The following NRAP variants were observed in gnomAD, a reference collection of about 807,000 sequenced individuals.
NRAP encodes the protein nebulin related anchoring protein, also known as nebulin-related-anchoring protein.
A neutral mutation model predicts 225.9 loss-of-function variants in NRAP; 189 were observed. The ratio of observed to expected loss-of-function variants is 0.84; its 90% CI spans 0.74 to 0.94. The LOEUF (loss-of-function observed/expected upper bound fraction) is 0.94. Ranked by LOEUF, NRAP falls within the 40% of genes least tolerant of loss-of-function variation. NRAP has a pLI of 0.00. For missense variants in NRAP, 2,176 were observed against 2,168.7 expected, an observed-to-expected ratio of 1.00 and a Z score of -0.07; for synonymous variants, 769 against 790.7, an observed-to-expected ratio of 0.97 and a Z score of 0.46.
At position 113,606,331 on chromosome 10, in the gene NRAP, C is replaced by T. The variant is rs147581038; in HGVS notation, c.3703-49G>A. 2.2e-5 allele frequency: 27 copies of T among 1,221,448 alleles called. No homozygotes were observed. In the East Asian group the frequency reaches 6.4e-4, roughly 29 times the overall value. 75.7% of individuals were successfully genotyped at this position (1,221,448 alleles called of 1,614,324 possible). On this transcript the variant is annotated intron_variant, in intron 32 of 41. Coordinates refer to ENST00000359988, the MANE Select transcript of NRAP (RefSeq NM_198060.4). The stretch of plus-strand genomic sequence containing the variant: ...AATAATGCAAGAGATAAGTGCTGTG[C>T]ATTTCTGCAGTGCTGGAAGTCCCTC...
Position 113,621,956 on chromosome 10 carries a change from G to A in NRAP, c.2682C>T (p.Gly894=). 6.2e-7 allele frequency: 1 copy of A among 1,614,210 alleles called. No homozygotes were observed. ...RKAQHLATDV[G]YKTAEHHFTA... The stretch of plus-strand genomic sequence containing the variant: ...TAAAGTGATGTTCCGCTGTCTTGTA[G>A]CCTACGTCTGTGGCTAAATGCTGAG... Residue 894 remains glycine, a synonymous_variant, in exon 24 of 42, where the codon GGC becomes GGT. Coordinates refer to ENST00000359988, the MANE Select transcript of NRAP (RefSeq NM_198060.4).
At position 113,631,911 on chromosome 10, in the gene NRAP, C is replaced by A; in HGVS notation, c.1686G>T (p.Lys562Asn). ...CGGCCAGCAGAGACATGGCATCCAG[C>A]TTCATCTCAAATCCTTTCCCCTTTG... ...EKTKGKGFEMKLDAMSLLAAK... is the reference protein window; with the variant it reads ...EKTKGKGFEMNLDAMSLLAAK... Residue 562 changes from lysine (K) to asparagine (N), a missense_variant, in exon 17 of 42, where the codon AAG becomes AAT. Lys to Asn is a moderately conservative substitution (Grantham distance 94). Transcript: ENST00000359988. The A allele has an allele frequency of 6.2e-7, 1 of 1,613,766 alleles. No homozygotes were observed. Among genetic ancestry groups the A allele is most frequent in the South Asian group, 1.1e-5 (1 of 91,086 alleles).
rs2134124157 is a variant in NRAP at position 113,645,884 on chromosome 10, G to T, written c.1051C>A (p.Pro351Thr). 6.2e-7 allele frequency: 1 copy of T among 1,611,262 alleles called. No homozygotes were observed. The highest frequency in any genetic ancestry group is 8.5e-7 in the Non-Finnish European group (1 of 1,178,456). The change falls in exon 11 of 42, where the codon CCA (proline) becomes ACA (threonine). Residue 351 changes from proline to threonine, a missense_variant. By Grantham distance (38) the Pro-to-Thr change is conservative (BLOSUM62 -1). Transcript: ENST00000359988. ...TTGAGAACCAAGTTGTCTTGAGCTG[G>T]AAGCGAGTGATAATGTGCAGCGCCT... ...MKGAAHYHSLPAQDNLVLKQA... is the reference protein window; with the variant it reads ...MKGAAHYHSLTAQDNLVLKQA...
At chr10:113,589,954 A>ATCTC (rs759370424) in intron 40 of NRAP, among the ~76,000 whole-genome samples, 157 bp from the exon 41 acceptor site, 5 of 152,230 alleles carry the variant, frequency 3.3e-5, no homozygotes, top group Non-Finnish European at 5.9e-5. Flanking sequence ...CATAAGCAGC[A>ATCTC]TCTCCCTGGC....
intron 20 of NRAP, 90 bp from the exon 21 acceptor site, chr10:113,626,235 T>C: frequency 1.3e-6 from 1 of 798,486 alleles, no homozygotes; most frequent in Non-Finnish European, 2.0e-6. Flanking sequence ...ACACATTCTT[T>C]CTGTGGTCCA....
At chr10:113,595,005 G>A (rs925949091) in intron 38 of NRAP, among the ~76,000 whole-genome samples, 7 of 152,312 alleles carry the variant, frequency 4.6e-5, no homozygotes, top group African/African-American at 9.6e-5. Flanking sequence ...TTTGCTGGCC[G>A]AGCGGCCGCC....
chr10:113,661,658 T>C (rs1346592740), intron 3 of NRAP, among the ~76,000 whole-genome samples: 1 of 152,334 alleles, frequency 6.6e-6, no homozygotes, highest in East Asian at 1.9e-4. Context: ...CGTCGATAAC[T>C]GGTTATTTGA....
intron 9 of NRAP, among the ~76,000 whole-genome samples, chr10:113,648,467 C>CTCTCTCTCTCTCTCTCTA (rs749486311): frequency 8.0e-5 from 7 of 87,384 alleles, no homozygotes; most frequent in East Asian, 3.4e-4. Context: ...CTCTCTCTCT[C>CTCTCTCTCTCTCTCTCTA]TATATATATA....
intron 28 of NRAP, 91 bp downstream of exon 28, chr10:113,614,748 C>G: frequency 2.6e-6 from 2 of 780,252 alleles, no homozygotes; most frequent in South Asian, 1.5e-5. Context: ...AGGGAATTAT[C>G]CACAGGCAAA....
intron 11 of NRAP, 138 bp downstream of exon 11, chr10:113,645,687 G>A: frequency 1.9e-6 from 1 of 527,154 alleles, no homozygotes; most frequent in East Asian, 3.1e-5. Flanking sequence ...AAAGTGCTGG[G>A]ATCACAGGCG....
intron 28 of NRAP, 133 bp downstream of exon 28, chr10:113,614,706 G>T: frequency 1.5e-6 from 1 of 649,290 alleles, no homozygotes. Context: ...GTCATTATCT[G>T]ATTGCCCTGA....
At chr10:113,646,637 T>C (rs914322548) in intron 10 of NRAP, among the ~76,000 whole-genome samples, 37 of 152,374 alleles carry the variant, frequency 2.4e-4, no homozygotes, top group African/African-American at 8.2e-4. Flanking sequence ...CAATTTCTAA[T>C]TGGGCCATTT....
Position 113,645,810 on chromosome 10 carries a change from T to A in NRAP, c.1110+15A>T. On this transcript the variant is annotated intron_variant, in intron 11 of 41. Transcript: ENST00000359988. ...GAGGTGATGCTCATGGGTGTGACTC[T>A]TCCCCCATACGCACCTCACTCACGA... 1 of 1,278,552 alleles carries A rather than the reference T, an allele frequency of 7.8e-7. No homozygotes were observed. Among genetic ancestry groups the A allele is most frequent in the Middle Eastern group, 1.8e-4 (1 of 5,444 alleles). The allele number at this position is 1,278,552 out of a possible 1,614,324, so 79.2% of individuals were successfully genotyped here.
intron 4 of NRAP, among the ~76,000 whole-genome samples, chr10:113,654,603 A>G (rs1850190389): frequency 1.3e-5 from 2 of 152,216 alleles, no homozygotes; most frequent in African/African-American, 2.4e-5. Flanking sequence ...ATAAATAGCA[A>G]TTAGAAAACA....
Position 113,611,378 on chromosome 10 carries a change from G to A in NRAP, c.3499-815C>T, listed in dbSNP as rs72833763. On this transcript the variant is annotated intron_variant, in intron 30 of 41. Coordinates refer to ENST00000359988, the MANE Select transcript of NRAP (RefSeq NM_198060.4). ...ACTGCCAAACCAGGAAAGAGGTTTT[G>A]TGCGGAGTTTTCTTTTCCTAAGCGG... Among the ~76,000 whole-genome samples, 368 of 152,320 alleles carry A rather than the reference G, an allele frequency of 2.4e-3. 1 individual carries two copies. Among genetic ancestry groups the A allele is most frequent in the Non-Finnish European group, 4.1e-3 (279 of 68,014 alleles).
chr10:113,623,367 A>T (rs1281375684), intron 23 of NRAP, among the ~76,000 whole-genome samples, 162 bp downstream of exon 23: 1 of 152,232 alleles, frequency 6.6e-6, no homozygotes, highest in Non-Finnish European at 1.5e-5. Flanking sequence ...ATAGGCACAG[A>T]TGTGATTATC....
chr10:113,639,534 C>T (rs1329495392), intron 14 of NRAP, among the ~76,000 whole-genome samples: 2 of 152,208 alleles, frequency 1.3e-5, no homozygotes, highest in Non-Finnish European at 2.9e-5. Context: ...AGATAACCTT[C>T]TCTGGCAACC....
intron 25 of NRAP, among the ~76,000 whole-genome samples, chr10:113,618,613 T>C (rs1277464154): frequency 1.3e-5 from 2 of 152,248 alleles, no homozygotes; most frequent in Non-Finnish European, 2.9e-5. Flanking sequence ...TGTGCATTTG[T>C]GGCTCTTTCA....
At chr10:113,661,567 A>G (rs1282042987) in intron 3 of NRAP, among the ~76,000 whole-genome samples, 1 of 152,134 alleles carries the variant, frequency 6.6e-6, no homozygotes, top group Admixed American at 6.6e-5. Context: ...AGCCACTAAA[A>G]CTTCATCCCA....
Sources: allele counts gnomAD v4.1 joint callset (sites outside exome capture counted in the v4.1 genomes callset), GRCh38; gene constraint gnomAD v4.1.1; transcripts MANE v1.5; gene names NCBI Gene and HGNC (gene_info 2026-07-23, HGNC 2026-07-21).